The following OSBP2 variants were observed in gnomAD, a reference collection of about 807,000 sequenced individuals.
OSBP2 encodes oxysterol-binding protein 2.
Under a neutral mutation model 96.0 loss-of-function variants are expected in OSBP2, and 66 were observed. That is an observed-to-expected ratio of 0.69 (90% CI 0.56 to 0.84). The LOEUF is 0.84. Ranked by LOEUF, OSBP2 falls within the 40% of genes least tolerant of loss-of-function variation. The pLI, the probability that OSBP2 is intolerant of heterozygous loss-of-function variation, is 0.00. For missense variants in OSBP2, 1,038 were observed against 1,222.7 expected (o/e 0.85, Z 2.25); for synonymous variants, 525 against 520.9 (o/e 1.01, Z -0.11).
chr22:30,703,286 G>C (rs1258178358), intron 1 of OSBP2, among the ~76,000 whole-genome samples: 4 of 151,704 alleles, frequency 2.6e-5, no homozygotes, highest in African/African-American at 9.7e-5. Flanking sequence ...CGATTTTCCT[G>C]CCTCAGCCTC....
chr22:30,719,257 T>A (rs534726645), intron 1 of OSBP2, among the ~76,000 whole-genome samples: 1 of 152,258 alleles, frequency 6.6e-6, no homozygotes, highest in South Asian at 2.1e-4. Context: ...TATGTGTGCA[T>A]GTGCAGCTGT....
At chr22:30,867,698 G>A (rs960027234) in intron 2 of OSBP2, among the ~76,000 whole-genome samples, 3 of 152,234 alleles carry the variant, frequency 2.0e-5, no homozygotes, top group African/African-American at 7.2e-5. Flanking sequence ...GACCTTAAGG[G>A]CTGCTTACTA....
chr22:30,797,013 T>G (rs986828822), intron 2 of OSBP2, among the ~76,000 whole-genome samples: 1 of 152,190 alleles, frequency 6.6e-6, no homozygotes, highest in African/African-American at 2.4e-5. Flanking sequence ...CCTCACTCCC[T>G]TTAGCCCCTG....
rs766817318 is a variant in OSBP2, at chr22:30,889,445, C to A, written c.1477-45C>A. Reference sequence around the variant, plus strand: ...CAGAAACTTGGAAGCCAAGGGGGCGCTCTGGCCTCTGCTGACGGTGAGGGG... The same window carrying A: ...CAGAAACTTGGAAGCCAAGGGGGCGATCTGGCCTCTGCTGACGGTGAGGGG... On this transcript the variant is annotated intron_variant, in intron 6 of 13. Transcript: ENST00000332585. 9 of 1,611,072 alleles carry A rather than the reference C, an allele frequency of 5.6e-6. No homozygotes were observed. The South Asian group carries it at 9.9e-5, about 18-fold the overall frequency.
intron 3 of OSBP2, among the ~76,000 whole-genome samples, chr22:30,885,184 G>T (rs1309488043): frequency 6.6e-5 from 10 of 152,244 alleles, no homozygotes; most frequent in Admixed American, 6.5e-4. Flanking sequence ...GACAGCCTGT[G>T]ATGTGCATGG....
At chr22:30,713,421 G>A (rs2089391412) in intron 1 of OSBP2, among the ~76,000 whole-genome samples, 1 of 151,160 alleles carries the variant, frequency 6.6e-6, no homozygotes, top group Non-Finnish European at 1.5e-5. Context: ...TCCTAACATG[G>A]GTTGGGAACC....
intron 2 of OSBP2, among the ~76,000 whole-genome samples, chr22:30,851,171 C>T (rs943921018): frequency 6.6e-6 from 1 of 152,136 alleles, no homozygotes; most frequent in Non-Finnish European, 1.5e-5. Flanking sequence ...ATATAATTCT[C>T]CTGCCTCAGC....
At chr22:30,716,459 A>G (rs540199280) in intron 1 of OSBP2, among the ~76,000 whole-genome samples, 7 of 148,606 alleles carry the variant, frequency 4.7e-5, no homozygotes, top group African/African-American at 1.7e-4. Flanking sequence ...TTTTTTTGAG[A>G]CAGAGTCTCA....
intron 2 of OSBP2, among the ~76,000 whole-genome samples, chr22:30,840,054 C>CA (rs1555918794): frequency 9.1e-6 from 1 of 109,302 alleles, no homozygotes; most frequent in African/African-American, 3.4e-5. Flanking sequence ...TTTCAGCTTT[C>CA]TTTTTTTTTT....
chr22:30,720,438 G>A (rs966217934), intron 1 of OSBP2, among the ~76,000 whole-genome samples: 1 of 152,122 alleles, frequency 6.6e-6, no homozygotes, highest in African/African-American at 2.4e-5. Context: ...CTCACCCTGT[G>A]GATTTCTCCA....
chr22:30,899,357 GACT>G (rs2040142226), intron 12 of OSBP2, among the ~76,000 whole-genome samples: 1 of 147,320 alleles, frequency 6.8e-6, no homozygotes, highest in Non-Finnish European at 1.5e-5. Context: ...AGTGAGCCAT[GACT>G]ACTACTGCAT....
At chr22:30,741,002 G>A (rs767246498) in intron 1 of OSBP2, among the ~76,000 whole-genome samples, 159 bp from the exon 2 acceptor site, 2 of 152,026 alleles carry the variant, frequency 1.3e-5, no homozygotes, top group Admixed American at 6.6e-5. Flanking sequence ...ACCAAGCCAC[G>A]ACCAGGCAGT....
chr22:30,806,964 G>C (rs2090937445), intron 2 of OSBP2, among the ~76,000 whole-genome samples: 1 of 152,184 alleles, frequency 6.6e-6, no homozygotes, highest in Non-Finnish European at 1.5e-5. Flanking sequence ...CCAACAGCCT[G>C]AGTTCCAGGC....
At chr22:30,780,116 TGAGTGTTCAGTC>T (rs2090496618) in intron 2 of OSBP2, among the ~76,000 whole-genome samples, 1 of 152,242 alleles carries the variant, frequency 6.6e-6, no homozygotes, top group Non-Finnish European at 1.5e-5. Flanking sequence ...TCATTCAGGC[TGAGTGTTCAGTC>T]CTTGAGGGGC....
At chr22:30,822,491 G>T in intron 2 of OSBP2, 1 of 1,140,824 alleles carries the variant, frequency 8.8e-7, no homozygotes, top group Non-Finnish European at 1.1e-6. Flanking sequence ...GTGGTGCATT[G>T]TGGTAACGCG....
At chr22:30,904,741 G>T (rs944308457) in intron 12 of OSBP2, among the ~76,000 whole-genome samples, 4 of 152,068 alleles carry the variant, frequency 2.6e-5, no homozygotes, top group Non-Finnish European at 5.9e-5. Flanking sequence ...TGCAAAAACT[G>T]CCCATATACT....
intron 1 of OSBP2, among the ~76,000 whole-genome samples, chr22:30,732,236 G>A (rs1174146723): frequency 6.6e-6 from 1 of 152,074 alleles, no homozygotes; most frequent in African/African-American, 2.4e-5. Context: ...CCTGGGAGGC[G>A]GAGGTTGCAG....
At chr22:30,845,231 A>T (rs2038844039) in intron 2 of OSBP2, among the ~76,000 whole-genome samples, 1 of 152,158 alleles carries the variant, frequency 6.6e-6, no homozygotes, top group Admixed American at 6.5e-5. Context: ...AGGAGTTTAC[A>T]GCCAGTATGG....
intron 2 of OSBP2, among the ~76,000 whole-genome samples, chr22:30,759,673 G>C (rs1258994908): frequency 6.6e-6 from 1 of 152,018 alleles, no homozygotes; most frequent in African/African-American, 2.4e-5. Context: ...TCCATAAACT[G>C]AATAATCCTA....
Sources: allele counts gnomAD v4.1 joint callset (sites outside exome capture counted in the v4.1 genomes callset), GRCh38; gene constraint gnomAD v4.1.1; transcripts MANE v1.5; gene names NCBI Gene and HGNC (gene_info 2026-07-23, HGNC 2026-07-21).